The following GRID2 variants were observed in gnomAD, a reference collection of about 807,000 sequenced individuals.
GRID2 encodes glutamate receptor ionotropic, delta-2.
In GRID2, 33 loss-of-function variants were observed where a neutral mutation model predicts 114.8. The observed-to-expected ratio is 0.29, with a 90% CI of 0.22 to 0.38. The LOEUF (loss-of-function observed/expected upper bound fraction) is 0.38, where lower values mean the gene tolerates loss of function less well. Among genes scored for constraint, GRID2 ranks in the 10% least tolerant of loss-of-function variants. The probability of loss-of-function intolerance (pLI) is 1.00; values close to 1 mark genes in which losing one functional copy is unlikely to be tolerated. For synonymous variants in GRID2, 505 were observed against 449.9 expected (o/e 1.12, Z -1.55); for missense variants, 1,184 against 1,257.7 (o/e 0.94, Z 0.89).
chr4:93,536,835 G>T (rs1359608527), intron 13 of GRID2, among the ~76,000 whole-genome samples: 1 of 151,518 alleles, frequency 6.6e-6, no homozygotes, highest in African/African-American at 2.4e-5. Context: ...ACATAATTCA[G>T]TCATGCAAAG....
At chr4:93,668,874 TAAG>T (rs1220242567) in intron 14 of GRID2, among the ~76,000 whole-genome samples, 2 of 152,088 alleles carry the variant, frequency 1.3e-5, no homozygotes, top group Non-Finnish European at 2.9e-5. Context: ...GTGTCTAAAA[TAAG>T]AACAAATTAC....
chr4:92,309,996 GT>G (rs1455710026), intron 1 of GRID2, among the ~76,000 whole-genome samples: 4 of 151,608 alleles, frequency 2.6e-5, no homozygotes, highest in Non-Finnish European at 4.4e-5. Flanking sequence ...AAATAGAGTT[GT>G]GGGGAAAAAA....
intron 1 of GRID2, among the ~76,000 whole-genome samples, chr4:92,530,235 A>G (rs1348994911): frequency 1.3e-5 from 2 of 152,070 alleles, no homozygotes; most frequent in East Asian, 3.9e-4. Context: ...GTCATTGATG[A>G]ATACGGTAAT....
chr4:93,789,314 A>G lies in GRID2; in HGVS notation c.222-17401A>G, dbSNP rs572178501. 3.5e-4 allele frequency among the ~76,000 whole-genome samples: 54 copies of G among 152,380 alleles called. No individual in the cohort carries two copies. The South Asian group carries it at 0.01, about 29-fold the overall frequency. ...AATAAGTAGAACTGTTATAAATGTC[A>G]TATCTTGTCTAAAAATACTTAGAAA... On this transcript the variant is annotated intron_variant, in intron 1 of 1. Coordinates refer to the GRID2 transcript ENST00000637838.
chr4:92,314,990 A>G (rs1250074355), intron 1 of GRID2, among the ~76,000 whole-genome samples: 2 of 152,164 alleles, frequency 1.3e-5, no homozygotes, highest in Non-Finnish European at 2.9e-5. Context: ...TATTTGTGCT[A>G]AACAATGGAT....
intron 14 of GRID2, among the ~76,000 whole-genome samples, chr4:93,698,992 AT>A (rs1727278764): frequency 1.3e-5 from 2 of 152,036 alleles, no homozygotes; most frequent in African/African-American, 4.8e-5. Context: ...AATGGCTGTT[AT>A]GAAAATTACA....
At chr4:92,756,253 G>A (rs2149342251) in intron 2 of GRID2, among the ~76,000 whole-genome samples, 1 of 152,144 alleles carries the variant, frequency 6.6e-6, no homozygotes, top group Non-Finnish European at 1.5e-5. Flanking sequence ...TTCCATCAAT[G>A]TTGCTGTAAA....
intron 8 of GRID2, among the ~76,000 whole-genome samples, chr4:93,250,744 T>TTA (rs1329507863): frequency 2.0e-5 from 3 of 146,458 alleles, no homozygotes; most frequent in Middle Eastern, 3.6e-3. Context: ...ATATATAATG[T>TTA]TATATATATA....
At chr4:93,165,784 G>A (rs780175221) in intron 4 of GRID2, among the ~76,000 whole-genome samples, 5 of 152,054 alleles carry the variant, frequency 3.3e-5, no homozygotes, top group Non-Finnish European at 7.4e-5. Flanking sequence ...TGTGCAGACA[G>A]GAGGTGCTTC....
intron 2 of GRID2, among the ~76,000 whole-genome samples, chr4:93,032,702 T>C (rs191774606): frequency 7.2e-4 from 110 of 152,298 alleles, no homozygotes; most frequent in Non-Finnish European, 9.6e-4. Context: ...TTTTCTCTTG[T>C]TAAGCAGATG....
chr4:93,216,612 C>T (rs1579318223), intron 5 of GRID2, 126 bp from the exon 6 acceptor site: 3 of 638,216 alleles, frequency 4.7e-6, no homozygotes, highest in African/African-American at 1.8e-5. Flanking sequence ...TAGATATGCA[C>T]TAAGCATTAA....
At chr4:93,271,778 T>A (rs77156647) in intron 8 of GRID2, among the ~76,000 whole-genome samples, 2,035 of 152,132 alleles carry the variant, frequency 0.013, 49 homozygotes, top group African/African-American at 0.047. Context: ...ATTATTTTTA[T>A]TGTACTTTAT....
At chr4:93,040,014 A>G (rs925783576) in intron 2 of GRID2, among the ~76,000 whole-genome samples, 2 of 152,120 alleles carry the variant, frequency 1.3e-5, no homozygotes, top group Non-Finnish European at 2.9e-5. Context: ...AATTTAGTTG[A>G]TCTCCCAAGT....
chr4:93,068,482 C>A (rs900243589), intron 2 of GRID2, among the ~76,000 whole-genome samples: 1 of 151,916 alleles, frequency 6.6e-6, no homozygotes, highest in Non-Finnish European at 1.5e-5. Context: ...ATCTAACTCT[C>A]GTTAAAACAA....
At chr4:93,294,502 GA>G (rs1754082936) in intron 8 of GRID2, among the ~76,000 whole-genome samples, 1 of 152,020 alleles carries the variant, frequency 6.6e-6, no homozygotes, top group Non-Finnish European at 1.5e-5. Context: ...AAGGACAGAA[GA>G]AAAAACATCT....
intron 5 of GRID2, among the ~76,000 whole-genome samples, chr4:93,209,302 A>G (rs1004770540): frequency 1.3e-5 from 2 of 151,926 alleles, no homozygotes; most frequent in Admixed American, 6.6e-5. Flanking sequence ...CTTTGTGTCC[A>G]TATGTTTTCA....
chr4:92,981,757 T>C (rs1489607027), intron 2 of GRID2, among the ~76,000 whole-genome samples: 1 of 151,870 alleles, frequency 6.6e-6, no homozygotes, highest in African/African-American at 2.4e-5. Context: ...ATATTGGGAA[T>C]GCATTCTCTA....
intron 2 of GRID2, among the ~76,000 whole-genome samples, chr4:92,692,202 G>T (rs1446805047): frequency 6.6e-6 from 1 of 152,120 alleles, no homozygotes; most frequent in Non-Finnish European, 1.5e-5. Context: ...AGACAAATGA[G>T]TTTCAAGGAT....
chr4:92,876,204 C>A (rs1233739612), intron 2 of GRID2, among the ~76,000 whole-genome samples: 1 of 151,408 alleles, frequency 6.6e-6, no homozygotes, highest in Non-Finnish European at 1.5e-5. Context: ...TGTATTTTGA[C>A]AGTGTGGATT....
Sources: allele counts gnomAD v4.1 joint callset (sites outside exome capture counted in the v4.1 genomes callset), GRCh38; gene constraint gnomAD v4.1.1; transcripts MANE v1.5; gene names NCBI Gene and HGNC (gene_info 2026-07-23, HGNC 2026-07-21).